The following NKAIN2 variants were observed in gnomAD, a reference collection of about 807,000 sequenced individuals.
NKAIN2 encodes the protein sodium/potassium transporting ATPase interacting 2.
In NKAIN2, 14 loss-of-function variants were observed where a neutral mutation model predicts 32.6. That is an observed-to-expected ratio of 0.43 (90% confidence interval 0.28 to 0.67). NKAIN2 has a LOEUF of 0.67. Ranked by LOEUF, NKAIN2 falls within the 30% of genes least tolerant of loss-of-function variation. NKAIN2 has a pLI of 0.17. For synonymous variants in NKAIN2, 80 were observed against 87.2 expected (o/e 0.92, Z 0.46); for missense variants, 198 against 258.3 (o/e 0.77, Z 1.60).
intron 1 of NKAIN2, among the ~76,000 whole-genome samples, chr6:123,838,236 C>T (rs1774712859): frequency 6.6e-6 from 1 of 152,034 alleles, no homozygotes; most frequent in East Asian, 1.9e-4. Flanking sequence ...AGTGAATAAC[C>T]ATAAGCCAAA....
intron 3 of NKAIN2, among the ~76,000 whole-genome samples, chr6:124,620,876 A>G (rs1043451504): frequency 1.2e-4 from 18 of 152,248 alleles, no homozygotes. Flanking sequence ...GAGGGAACAA[A>G]AACAAGATTA....
intron 1 of NKAIN2, among the ~76,000 whole-genome samples, chr6:124,197,746 TA>T (rs1253671635): frequency 3.3e-5 from 5 of 151,954 alleles, no homozygotes; most frequent in African/African-American, 1.2e-4. Context: ...TGCCCCTTGG[TA>T]ATCAATCTCC....
Position 123,804,160 on chromosome 6 carries a change from C to A in NKAIN2, c.-41C>A. On this transcript the variant is annotated 5_prime_UTR_variant, in exon 1 of 7. Coordinates refer to ENST00000368417, the MANE Select transcript of NKAIN2 (RefSeq NM_001040214.3). ...GATAAAGTGGGGGCTCGACGGTGGC[C>A]GACGTGGGACAGTCTGGCTGTGGCA... is the stretch of plus-strand genomic sequence containing the variant. 6.3e-7 allele frequency: 1 copy of A among 1,595,696 alleles called. No individual in the cohort carries two copies. The highest frequency in any genetic ancestry group is 8.6e-7 in the Non-Finnish European group (1 of 1,163,530).
At chr6:124,533,288 G>A (rs927230480) in intron 3 of NKAIN2, among the ~76,000 whole-genome samples, 5 of 151,724 alleles carry the variant, frequency 3.3e-5, no homozygotes, top group Non-Finnish European at 7.4e-5. Context: ...TGACTAACAC[G>A]GTGAAACCCC....
intron 1 of NKAIN2, among the ~76,000 whole-genome samples, chr6:123,891,714 C>T (rs748738384): frequency 6.6e-6 from 1 of 152,178 alleles, no homozygotes; most frequent in Non-Finnish European, 1.5e-5. Context: ...TGATCTACGT[C>T]GTTCTATGTG....
intron 2 of NKAIN2, among the ~76,000 whole-genome samples, chr6:124,340,089 C>G (rs1201689632): frequency 6.6e-6 from 1 of 152,048 alleles, no homozygotes; most frequent in African/African-American, 2.4e-5. Flanking sequence ...ACTGAGACTT[C>G]CAAAACCAAA....
chr6:123,926,708 C>G (rs1406825027), intron 1 of NKAIN2, among the ~76,000 whole-genome samples: 2 of 152,148 alleles, frequency 1.3e-5, no homozygotes, highest in African/African-American at 4.8e-5. Context: ...TTTTCCTTAT[C>G]TAAATGAGTA....
intron 1 of NKAIN2, among the ~76,000 whole-genome samples, chr6:124,070,706 T>G (rs892539808): frequency 1.3e-5 from 2 of 152,160 alleles, no homozygotes; most frequent in Admixed American, 1.3e-4. Context: ...AGAAGTTTCA[T>G]GCAATTTCTA....
At chr6:123,849,960 TTG>T (rs1491097944) in intron 1 of NKAIN2, among the ~76,000 whole-genome samples, 8 of 28,056 alleles carry the variant, frequency 2.9e-4, no homozygotes, top group Non-Finnish European at 8.7e-4. Flanking sequence ...TTTTTTTTTT[TTG>T]TTTGTTTGTT....
At chr6:124,575,333 G>A (rs1381153853) in intron 3 of NKAIN2, among the ~76,000 whole-genome samples, 1 of 152,082 alleles carries the variant, frequency 6.6e-6, no homozygotes, top group Non-Finnish European at 1.5e-5. Context: ...TCATACTTTG[G>A]ATAAAATAAT....
intron 1 of NKAIN2, among the ~76,000 whole-genome samples, chr6:123,939,974 A>C (rs984348328): frequency 2.6e-5 from 4 of 151,980 alleles, no homozygotes; most frequent in Non-Finnish European, 5.9e-5. Context: ...AAACCCAGTG[A>C]TAGGCAGTTT....
intron 3 of NKAIN2, among the ~76,000 whole-genome samples, chr6:124,415,878 C>CTTTTTTTTTTTTTTTTTTTTTTTATTTT: frequency 1.4e-5 from 1 of 72,590 alleles, no homozygotes; most frequent in Non-Finnish European, 2.6e-5. Context: ...TTTTTATTTG[C>CTTTTTTTTTTTTTTTTTTTTTTTATTTT]TTTTTTTTTT....
chr6:124,499,312 G>A (rs1778194473), intron 3 of NKAIN2, among the ~76,000 whole-genome samples: 1 of 152,084 alleles, frequency 6.6e-6, no homozygotes, highest in South Asian at 2.1e-4. Flanking sequence ...CCTACAGCCT[G>A]TGCACAGTTA....
At chr6:123,880,841 A>G (rs1773420450) in intron 1 of NKAIN2, among the ~76,000 whole-genome samples, 3 of 152,244 alleles carry the variant, frequency 2.0e-5, no homozygotes, top group African/African-American at 7.2e-5. Flanking sequence ...ATGCAACTGT[A>G]AAAAGCTATC....
intron 4 of NKAIN2, among the ~76,000 whole-genome samples, chr6:124,771,354 A>G (rs1778745582): frequency 6.6e-6 from 1 of 152,204 alleles, no homozygotes; most frequent in African/African-American, 2.4e-5. Flanking sequence ...TTGGAATAAT[A>G]TACCCTCAAA....
intron 1 of NKAIN2, among the ~76,000 whole-genome samples, chr6:124,253,859 G>T (rs1299074269): frequency 9.2e-5 from 13 of 141,662 alleles, no homozygotes; most frequent in Admixed American, 7.9e-4. Context: ...TTGAAACAGA[G>T]TCTTACTCTG....
chr6:123,981,758 A>G (rs770284684), intron 1 of NKAIN2, among the ~76,000 whole-genome samples: 8 of 152,158 alleles, frequency 5.3e-5, no homozygotes, highest in Non-Finnish European at 8.8e-5. Context: ...ACCGAATTCA[A>G]TGAAGAAGGT....
At chr6:124,576,376 T>C (rs1177959560) in intron 3 of NKAIN2, among the ~76,000 whole-genome samples, 1 of 152,214 alleles carries the variant, frequency 6.6e-6, no homozygotes, top group African/African-American at 2.4e-5. Flanking sequence ...AATGCGCCTG[T>C]CATTTCAAGC....
chr6:124,590,002 C>G (rs903947102), intron 3 of NKAIN2, among the ~76,000 whole-genome samples: 2 of 152,186 alleles, frequency 1.3e-5, no homozygotes, highest in African/African-American at 4.8e-5. Flanking sequence ...GTTGGGTCCT[C>G]TCCTCATTGC....
Sources: allele counts gnomAD v4.1 joint callset (sites outside exome capture counted in the v4.1 genomes callset), GRCh38; gene constraint gnomAD v4.1.1; transcripts MANE v1.5; gene names NCBI Gene and HGNC (gene_info 2026-07-23, HGNC 2026-07-21).